ZBTB8A: variants seen among roughly 807,000 people sequenced by gnomAD.
The protein encoded by ZBTB8A is zinc finger and BTB domain containing 8A.
In ZBTB8A, 19 loss-of-function variants were observed where a neutral mutation model predicts 37.8. That is an observed-to-expected ratio of 0.50 (90% confidence interval 0.35 to 0.74). The LOEUF is 0.74. Ranked by LOEUF, ZBTB8A falls within the 30% of genes least tolerant of loss-of-function variation. ZBTB8A has a pLI of 0.01. For missense variants in ZBTB8A, 394 were observed against 537.8 expected, an observed-to-expected ratio of 0.73 and a Z score of 2.65; for synonymous variants, 181 against 185.2, an observed-to-expected ratio of 0.98 and a Z score of 0.19.
Position 32,546,532 on chromosome 1 carries a change from T to C in ZBTB8A, c.-83-6927T>C, listed in dbSNP as rs1052842306. On this transcript the variant is annotated intron_variant, in intron 1 of 4. Coordinates refer to ENST00000373510, the MANE Select transcript of ZBTB8A (RefSeq NM_001040441.3). ...GGTGGTACACTGTTATAGTCCCACC[T>C]ATGTGGGAGACTGAAGCAGGATCAC... 2.0e-5 allele frequency among the ~76,000 whole-genome samples: 3 copies of C among 152,196 alleles called. No homozygotes were observed. The East Asian group carries it at 5.8e-4, about 29-fold the overall frequency.
At chr1:32,575,170 C>T (rs2148235520) in intron 2 of ZBTB8A, among the ~76,000 whole-genome samples, 1 of 145,366 alleles carries the variant, frequency 6.9e-6, no homozygotes, top group South Asian at 2.2e-4. Context: ...TATTTGTTTC[C>T]TATTTATGCC....
intron 2 of ZBTB8A, among the ~76,000 whole-genome samples, chr1:32,569,791 T>G (rs1380328298): frequency 1.8e-4 from 27 of 151,772 alleles, no homozygotes; most frequent in Admixed American, 1.1e-3. Context: ...TTTTTTTTTT[T>G]TGTCTGTAAA....
intron 1 of ZBTB8A, among the ~76,000 whole-genome samples, chr1:32,549,265 G>C (rs537222867): frequency 6.6e-6 from 1 of 152,074 alleles, no homozygotes; most frequent in Non-Finnish European, 1.5e-5. Flanking sequence ...AGGCCGAGGC[G>C]GGCGGATCAC....
intron 2 of ZBTB8A, among the ~76,000 whole-genome samples, chr1:32,586,016 A>T (rs1055097922): frequency 4.2e-5 from 6 of 141,842 alleles, no homozygotes; most frequent in Admixed American, 1.4e-4. Flanking sequence ...AAACAAAAAC[A>T]AAAAAAAAGA....
chr1:32,592,862 C>T, intron 2 of ZBTB8A, 69 bp from the exon 3 acceptor site: 12 of 1,316,274 alleles, frequency 9.1e-6, no homozygotes, highest in African/African-American at 3.0e-5. Context: ...GAGCAAGATC[C>T]TGTCTCAAAA....
intron 2 of ZBTB8A, among the ~76,000 whole-genome samples, chr1:32,571,430 T>C (rs1188213782): frequency 1.3e-5 from 2 of 152,206 alleles, no homozygotes; most frequent in African/African-American, 2.4e-5. Flanking sequence ...TTCAAATGTT[T>C]GTTCTGTGTC....
intron 2 of ZBTB8A, among the ~76,000 whole-genome samples, chr1:32,572,978 T>C (rs532054237): frequency 1.0e-3 from 155 of 151,954 alleles, no homozygotes; most frequent in African/African-American, 3.5e-3. Context: ...TTGATTTTTC[T>C]CTATCATTTC....
rs1470002983 is a variant in ZBTB8A, at chr1:32,602,648, T to G, written c.*2229T>G. The G allele has an allele frequency of 2.0e-5, 3 of 152,008 alleles. No individual in the cohort carries two copies. Among genetic ancestry groups the G allele is most frequent in the Non-Finnish European group, 4.4e-5 (3 of 68,042 alleles). The allele number at this position is 152,008 out of a possible 1,614,324, so 9.4% of individuals were successfully genotyped here. On this transcript the variant is annotated 3_prime_UTR_variant, in exon 5 of 5. Coordinates refer to ENST00000373510, the MANE Select transcript of ZBTB8A (RefSeq NM_001040441.3). ...TCACTGCAAGCTCCACCTCCCGGGT[T>G]CTCGCCATTCTCCTGCCTCAGCCTC...
chr1:32,574,057 CAA>C (rs1644342829), intron 2 of ZBTB8A, among the ~76,000 whole-genome samples: 1 of 151,652 alleles, frequency 6.6e-6, no homozygotes, highest in Admixed American at 6.6e-5. Flanking sequence ...GCCTGGGCAA[CAA>C]GAGCGAAAAC....
At chr1:32,565,333 C>A (rs969726288) in intron 2 of ZBTB8A, among the ~76,000 whole-genome samples, 1 of 151,436 alleles carries the variant, frequency 6.6e-6, no homozygotes, top group Non-Finnish European at 1.5e-5. Context: ...CCCCTCCCCC[C>A]AAAAAAAGAA....
chr1:32,559,277 A>G (rs568044790), intron 2 of ZBTB8A, among the ~76,000 whole-genome samples: 4 of 151,966 alleles, frequency 2.6e-5, no homozygotes, highest in African/African-American at 9.6e-5. Context: ...ACACCTGGCT[A>G]ATTTTTCTAT....
chr1:32,593,726 A>T lies in ZBTB8A; in HGVS notation c.795A>T (p.Gly265=), dbSNP rs543147829. ...STPVGYQYGQ[G]SDVTSKSFPD... is the part of the protein sequence containing the mutation. Reference sequence around the variant, plus strand: ...CTGTTGGCTATCAGTACGGTCAAGGATCTGATGTCACATCCAAAAGCTTTC... The same window carrying T: ...CTGTTGGCTATCAGTACGGTCAAGGTTCTGATGTCACATCCAAAAGCTTTC... The change falls in exon 3 of 5, where the codon GGA becomes GGT. Residue 265 remains glycine (G), a synonymous_variant. Coordinates refer to ENST00000373510, the MANE Select transcript of ZBTB8A (RefSeq NM_001040441.3). The T allele has an allele frequency of 8.7e-6, 14 of 1,611,642 alleles. No homozygotes were observed. The South Asian group carries it at 1.2e-4, about 14-fold the overall frequency.
chr1:32,557,521 G>T (rs886866547), intron 2 of ZBTB8A, among the ~76,000 whole-genome samples: 7 of 152,270 alleles, frequency 4.6e-5, no homozygotes, highest in Non-Finnish European at 8.8e-5. Flanking sequence ...AAAGGGCAGT[G>T]GCATAATCCG....
intron 2 of ZBTB8A, among the ~76,000 whole-genome samples, chr1:32,574,143 T>G (rs1644343620): frequency 6.6e-6 from 1 of 152,086 alleles, no homozygotes; most frequent in African/African-American, 2.4e-5. Flanking sequence ...CTGCTTGAAC[T>G]GCAAACAACA....
intron 2 of ZBTB8A, among the ~76,000 whole-genome samples, chr1:32,592,344 C>T (rs12134667): frequency 3.3e-5 from 5 of 151,344 alleles, no homozygotes; most frequent in East Asian, 1.9e-4. Flanking sequence ...GAGACCAGCT[C>T]GGGTACGTGG....
At position 32,605,237 on chromosome 1, in the gene ZBTB8A, T is replaced by C. The variant is rs1402129044; in HGVS notation, c.*4818T>C. ...GGTACAGGAGGACCAAACTTTAGAT[T>C]ATAAACCAGAAAGTTTTGTTATTTT... On this transcript the variant is annotated 3_prime_UTR_variant, in exon 5 of 5. Transcript: ENST00000373510. 1 of 151,886 alleles carries C rather than the reference T, an allele frequency of 6.6e-6. No individual in the cohort carries two copies. Among genetic ancestry groups the C allele is most frequent in the Non-Finnish European group, 1.5e-5 (1 of 67,986 alleles). 9.4% of individuals were successfully genotyped at this position (151,886 alleles called of 1,614,324 possible). A position where few individuals can be genotyped will look rare whatever the true frequency, so the allele number is the denominator to read the frequency against.
At chr1:32,544,390 T>C (rs968157413) in intron 1 of ZBTB8A, among the ~76,000 whole-genome samples, 1 of 152,242 alleles carries the variant, frequency 6.6e-6, no homozygotes, top group Non-Finnish European at 1.5e-5. Context: ...AGTATTTGTG[T>C]ATCTAAACAT....
chr1:32,554,464 A>T (rs777834100), intron 2 of ZBTB8A, among the ~76,000 whole-genome samples: 12 of 10,462 alleles, frequency 1.1e-3, no homozygotes, highest in Middle Eastern at 0.045. Context: ...TTAATCTTTT[A>T]TTTATTTATT....
intron 2 of ZBTB8A, among the ~76,000 whole-genome samples, chr1:32,583,717 C>T (rs1644424747): frequency 6.6e-6 from 1 of 151,942 alleles, no homozygotes. Context: ...TATGAGAAGA[C>T]AGTGTGAAGA....
Sources: gnomAD v4.1 joint callset for allele counts (sites outside exome capture counted in the v4.1 genomes callset) on GRCh38, gnomAD v4.1.1 for gene constraint, MANE v1.5 for transcripts, NCBI Gene and HGNC (gene_info 2026-07-23, HGNC 2026-07-21) for gene names.